Variants in PHLDB2 observed in about 807,000 individuals in gnomAD.
PHLDB2 encodes pleckstrin homology like domain family B member 2, also known as pleckstrin homology-like domain family B member 2.
PHLDB2 carries 71 observed loss-of-function variants against 123.6 expected under a neutral mutation model. That is an observed-to-expected ratio of 0.57 (90% CI 0.47 to 0.70). The LOEUF is 0.70. Among genes scored for constraint, PHLDB2 ranks in the 30% least tolerant of loss-of-function variants. The pLI is 0.00. For missense variants in PHLDB2, 1,446 were observed against 1,519.5 expected, an observed-to-expected ratio of 0.95 and a Z score of 0.80; for synonymous variants, 547 against 541.6, an observed-to-expected ratio of 1.01 and a Z score of -0.14.
At chr3:111,898,182 T>TTGTGTGTGTGTGTG (rs58183787) in intron 2 of PHLDB2, among the ~76,000 whole-genome samples, 106 of 142,656 alleles carry the variant, frequency 7.4e-4, no homozygotes, top group Middle Eastern at 3.6e-3. Flanking sequence ...GTGTGTGTGT[T>TTGTGTGTGTGTGTG]TGTGTGTGTG....
In PHLDB2 at chr3:111,732,701, A is replaced by T. The variant is rs760197603; in HGVS notation, c.-51A>T. 6 of 1,534,326 alleles carry T rather than the reference A, an allele frequency of 3.9e-6. No individual in the cohort carries two copies. In the South Asian group the frequency reaches 7.1e-5, roughly 18 times the overall value. ...GAGTCGGGATTGAAAAGCAGCAGAC[A>T]AGGTAGGTGATCTCTCTGGTCACTG... On this transcript the variant is annotated splice_region_variant and 5_prime_UTR_variant, in exon 1 of 18. Coordinates refer to the PHLDB2 transcript ENST00000393923.
At chr3:111,932,201 T>C in intron 5 of PHLDB2, 68 bp from the exon 6 acceptor site, 1 of 1,484,818 alleles carries the variant, frequency 6.7e-7, no homozygotes, top group African/African-American at 1.4e-5. Context: ...CCTTGAGAAA[T>C]GTTCACTAGC....
At chr3:111,902,770 C>T (rs1320057873) in intron 2 of PHLDB2, among the ~76,000 whole-genome samples, 1 of 152,144 alleles carries the variant, frequency 6.6e-6, no homozygotes, top group Admixed American at 6.5e-5. Context: ...TCCTGAGTAG[C>T]TGGGACTACA....
At chr3:111,845,354 CAAAAAAAAAAAAAAAAA>C (rs745585464) in intron 1 of PHLDB2, among the ~76,000 whole-genome samples, 1 of 39,160 alleles carries the variant, frequency 2.6e-5, no homozygotes, top group Non-Finnish European at 4.0e-5. Context: ...GACTCTGTCT[CAAAAAAAAAAAAAAAAA>C]AAAAAAAAAA....
chr3:111,821,502 G>A (rs2062379589), intron 1 of PHLDB2, among the ~76,000 whole-genome samples: 1 of 152,150 alleles, frequency 6.6e-6, no homozygotes. Flanking sequence ...CGAGGCCAAA[G>A]GTAGTATGCT....
intron 1 of PHLDB2, among the ~76,000 whole-genome samples, chr3:111,834,196 TAGA>T (rs1435601231): frequency 2.2e-4 from 16 of 72,864 alleles, no homozygotes; most frequent in African/African-American, 8.8e-4. Context: ...ATATATGTAA[TAGA>T]ATTATATATG....
At position 111,920,382 on chromosome 3, in the gene PHLDB2, C is replaced by G. The variant is rs1189550153; in HGVS notation, c.1964C>G (p.Ala655Gly). ...EILDHLNRKI[A>G]ELEKNIVGEK... ...TTGGATCATCTAAACCGGAAAATAG[C>G]TGAACTGGAAAAGAACATTGTTGGT... is the stretch of plus-strand genomic sequence containing the variant. The change falls in exon 5 of 18, where the codon GCT becomes GGT. Residue 655 changes from alanine (A) to glycine (G), a missense_variant. Ala to Gly is a moderately conservative substitution (Grantham distance 60). Transcript: ENST00000431670. 6.2e-7 allele frequency: 1 copy of G among 1,613,712 alleles called. No homozygotes were observed. The highest frequency in any genetic ancestry group is 8.5e-7 in the Non-Finnish European group (1 of 1,179,842).
chr3:111,895,249 G>C (rs1166853968), intron 2 of PHLDB2, among the ~76,000 whole-genome samples: 1 of 152,106 alleles, frequency 6.6e-6, no homozygotes, highest in East Asian at 1.9e-4. Flanking sequence ...TGTTCTTATA[G>C]TAGCAGTACA....
intron 1 of PHLDB2, among the ~76,000 whole-genome samples, chr3:111,808,187 G>A (rs149881640): frequency 1.3e-5 from 2 of 152,128 alleles, no homozygotes; most frequent in East Asian, 3.9e-4. Flanking sequence ...TGATTCTCTG[G>A]GTCTTAGGGA....
chr3:111,749,175 C>G (rs1275597593), intron 1 of PHLDB2, among the ~76,000 whole-genome samples: 1 of 151,166 alleles, frequency 6.6e-6, no homozygotes, highest in East Asian at 1.9e-4. Context: ...TTCAAAGAGA[C>G]TGAATGTTCC....
At chr3:111,830,783 T>C (rs1175288958) in intron 1 of PHLDB2, among the ~76,000 whole-genome samples, 1 of 98,192 alleles carries the variant, frequency 1.0e-5, no homozygotes, top group Non-Finnish European at 1.8e-5. Flanking sequence ...CACTCCAGCC[T>C]GGGCGACAGA....
chr3:111,822,317 G>GTGTGTA (rs1553734228), intron 1 of PHLDB2, among the ~76,000 whole-genome samples: 2 of 147,916 alleles, frequency 1.4e-5, no homozygotes, highest in Non-Finnish European at 3.0e-5. Flanking sequence ...GTGTGTGTGT[G>GTGTGTA]TATATATATA....
intron 6 of PHLDB2, among the ~76,000 whole-genome samples, chr3:111,936,797 C>G (rs1240959630): frequency 6.6e-6 from 1 of 151,992 alleles, no homozygotes; most frequent in African/African-American, 2.4e-5. Flanking sequence ...AGGGCTTATT[C>G]CTTTTTTTTA....
At chr3:111,772,861 C>T (rs60556634) in intron 1 of PHLDB2, among the ~76,000 whole-genome samples, 3,675 of 152,274 alleles carry the variant, frequency 0.024, 63 homozygotes, top group Non-Finnish European at 0.03. Flanking sequence ...GCCCCACAGG[C>T]CTGCACCCCT....
chr3:111,760,448 T>C (rs1393264964), intron 1 of PHLDB2, among the ~76,000 whole-genome samples: 1 of 152,326 alleles, frequency 6.6e-6, no homozygotes, highest in Admixed American at 6.5e-5. Context: ...TCTGTCAAAG[T>C]CAAATAAAAT....
intron 6 of PHLDB2, among the ~76,000 whole-genome samples, chr3:111,937,795 A>T (rs1358342505): frequency 2.6e-5 from 4 of 152,156 alleles, no homozygotes; most frequent in Admixed American, 1.3e-4. Flanking sequence ...AAATTAAAAA[A>T]AAAAAAGGAA....
chr3:111,952,772 A>G (rs1236586917), intron 11 of PHLDB2, 60 bp downstream of exon 11: 55 of 1,566,552 alleles, frequency 3.5e-5, no homozygotes, highest in Non-Finnish European at 4.7e-5. Flanking sequence ...CATTATATTC[A>G]CTGATGTGTA....
At chr3:111,861,271 G>C (rs750970514) in intron 1 of PHLDB2, among the ~76,000 whole-genome samples, 1 of 152,208 alleles carries the variant, frequency 6.6e-6, no homozygotes, top group Non-Finnish European at 1.5e-5. Flanking sequence ...TAACAGTTCT[G>C]TCTATTCTTG....
chr3:111,741,130 C>T (rs76114540), intron 1 of PHLDB2, among the ~76,000 whole-genome samples: 4,191 of 152,214 alleles, frequency 0.028, 81 homozygotes, highest in African/African-American at 0.045. Flanking sequence ...CTAGCACTGC[C>T]AGCTTTCTAG....
Sources: gnomAD v4.1 joint callset for allele counts (sites outside exome capture counted in the v4.1 genomes callset) on GRCh38, gnomAD v4.1.1 for gene constraint, MANE v1.5 for transcripts, NCBI Gene and HGNC (gene_info 2026-07-23, HGNC 2026-07-21) for gene names.